NLRC5: variants seen among roughly 807,000 people sequenced by gnomAD.
The protein encoded by NLRC5 is NLR family CARD domain containing 5, also known as protein NLRC5.
A neutral mutation model predicts 206.9 loss-of-function variants in NLRC5; 114 were observed. That is an observed-to-expected ratio of 0.55 (90% CI 0.47 to 0.64). The LOEUF (loss-of-function observed/expected upper bound fraction) is 0.64. Among genes scored for constraint, NLRC5 ranks in the 30% least tolerant of loss-of-function variants. The pLI is 0.00. For synonymous variants in NLRC5, 952 were observed against 962.8 expected (o/e 0.99, Z 0.21); for missense variants, 2,008 against 2,305.5 (o/e 0.87, Z 2.64).
At chr16:57,044,859 G>C (rs1204215363) in intron 20 of NLRC5, among the ~76,000 whole-genome samples, 1 of 151,746 alleles carries the variant, frequency 6.6e-6, no homozygotes, top group African/African-American at 2.4e-5. Context: ...ACAGTGAGTT[G>C]TGATCACACC....
Position 57,082,578 on chromosome 16 carries a change from T to G in NLRC5, c.*50T>G, listed in dbSNP as rs752222973. 78 of 1,387,622 alleles carry G rather than the reference T, an allele frequency of 5.6e-5. No homozygotes were observed. The Admixed American group carries it at 1.4e-3, about 24-fold the overall frequency. The allele number at this position is 1,387,622 out of a possible 1,614,324, so 86.0% of individuals were successfully genotyped here. ...CCAGCCAAGTGATGCACCCAAATGA[T>G]CCACCTTTCGCCCACTGGGATAATT... On this transcript the variant is annotated 3_prime_UTR_variant, in exon 49 of 49. Transcript: ENST00000688547.
intron 24 of NLRC5, 59 bp downstream of exon 24, chr16:57,051,680 C>A: frequency 7.1e-7 from 1 of 1,402,106 alleles, no homozygotes; most frequent in South Asian, 1.2e-5. Context: ...TAAGGCTCCT[C>A]CATGGCAAAG....
rs764956535 is a variant in NLRC5, at chr16:57,067,709, C to T, written c.4407-27C>T. On this transcript the variant is annotated intron_variant, in intron 35 of 48. Coordinates refer to ENST00000688547, the MANE Select transcript of NLRC5 (RefSeq NM_001384950.1). The stretch of plus-strand genomic sequence containing the variant: ...TCTGAGGTGTGTCCAGCCTGAAATC[C>T]TCTAGAATATCCTTGGACCTTTTCA... The T allele has an allele frequency of 5.0e-6, 8 of 1,604,704 alleles. No homozygotes were observed. In the South Asian group the frequency reaches 8.8e-5, roughly 18 times the overall value.
At position 57,073,276 on chromosome 16, in the gene NLRC5, G is replaced by A. The variant is rs374537761; in HGVS notation, c.4668-1324G>A. Reference sequence around the variant, plus strand: ...ACTGGGCATAATATCTTCCCTGTCCGAAGGAAGGGGATGGATCGTCAGTGC... The same window carrying A: ...ACTGGGCATAATATCTTCCCTGTCCAAAGGAAGGGGATGGATCGTCAGTGC... On this transcript the variant is annotated intron_variant, in intron 38 of 48. Transcript: ENST00000688547. 1.2e-4 allele frequency among the ~76,000 whole-genome samples: 18 copies of A among 152,236 alleles called. No homozygotes were observed. In the East Asian group the frequency reaches 2.1e-3, roughly 18 times the overall value.
rs200219463 is a variant in NLRC5 at position 57,030,113 on chromosome 16, T to C, written c.2417+29T>C. The C allele has an allele frequency of 1.3e-5, 20 of 1,576,506 alleles. No individual in the cohort carries two copies. In the East Asian group the frequency reaches 4.0e-4, roughly 32 times the overall value. On this transcript the variant is annotated intron_variant, in intron 10 of 48. Transcript: ENST00000688547. ...AGCAGAAGGAAAGGGATCTTGGCCT[T>C]ATGGGCCTTGAGAAAAGAGGAGGGG...
At chr16:56,998,193 T>C (rs1216280249) in intron 1 of NLRC5, among the ~76,000 whole-genome samples, 7 of 146,132 alleles carry the variant, frequency 4.8e-5, no homozygotes, top group African/African-American at 7.5e-5. Context: ...GTCACTGATG[T>C]CTTTTTTTTT....
intron 32 of NLRC5, 103 bp from the exon 33 acceptor site, chr16:57,065,109 C>T (rs2066942830): frequency 1.6e-6 from 1 of 622,596 alleles, no homozygotes; most frequent in Non-Finnish European, 2.4e-6. Context: ...CTCAAAAAGC[C>T]TCTAGGTCCC....
intron 1 of NLRC5, chr16:56,992,475 T>C (rs1383297693): frequency 6.7e-6 from 1 of 149,994 alleles, no homozygotes; most frequent in Admixed American, 6.6e-5. Flanking sequence ...ATTTATTTTA[T>C]TTTATTTTTT....
intron 30 of NLRC5, among the ~76,000 whole-genome samples, chr16:57,059,923 C>A (rs2066204960): frequency 6.6e-6 from 1 of 152,076 alleles, no homozygotes; most frequent in Non-Finnish European, 1.5e-5. Context: ...AATAACACAA[C>A]CTACCCCTTA....
At position 57,043,621 on chromosome 16, in the gene NLRC5, GC is replaced by G; in HGVS notation, c.3203+22del. On this transcript the variant is annotated intron_variant, in intron 20 of 48. Transcript: ENST00000688547. ...GGACATCAGGTGAGCGTGCCTCTCC[GC>G]CCCCAGCCCTGCCCCTGTCCCCCAT... 6.3e-7 allele frequency: 1 copy of G among 1,599,990 alleles called. No individual in the cohort carries two copies. The highest frequency in any genetic ancestry group is 8.6e-7 in the Non-Finnish European group (1 of 1,167,362).
intron 1 of NLRC5, among the ~76,000 whole-genome samples, chr16:57,010,648 C>T (rs1314134780): frequency 6.6e-6 from 1 of 152,220 alleles, no homozygotes; most frequent in Non-Finnish European, 1.5e-5. Context: ...GTTGGGATTA[C>T]AGGCGTGAGC....
chr16:57,078,612 C>T (rs1380901346), intron 43 of NLRC5, among the ~76,000 whole-genome samples: 7 of 151,762 alleles, frequency 4.6e-5, no homozygotes, highest in South Asian at 2.1e-4. Flanking sequence ...GCTGGGATTA[C>T]GAGCATGCCC....
intron 33 of NLRC5, 93 bp from the exon 34 acceptor site, chr16:57,066,441 A>G (rs1001173109): frequency 9.5e-7 from 1 of 1,051,626 alleles, no homozygotes; most frequent in African/African-American, 1.6e-5. Context: ...AGGCAAAGTG[A>G]GAGTTCAGAG....
Position 57,017,076 on chromosome 16 carries a change from G to T in NLRC5, c.-125G>T, listed in dbSNP as rs1353697207. 1.3e-5 allele frequency: 2 copies of T among 152,872 alleles called. No individual in the cohort carries two copies. Among genetic ancestry groups the T allele is most frequent in the East Asian group, 3.9e-4 (2 of 5,186 alleles). 9.5% of individuals were successfully genotyped at this position (152,872 alleles called of 1,614,324 possible). On this transcript the variant is annotated splice_region_variant and 5_prime_UTR_variant, in exon 2 of 49. Transcript: ENST00000688547. ...CTCCCTGTCTTCTCTCCCCTTAGGA[G>T]TCTGCACTATGGAAACAACCTGTCA... is the stretch of plus-strand genomic sequence containing the variant.
rs2066504019 is a variant in NLRC5 at position 57,061,670 on chromosome 16, G to C, written c.4123G>C (p.Val1375Leu). The change falls in exon 32 of 49, where the codon GTG (valine) becomes CTG (leucine). Residue 1375 changes from valine (V) to leucine (L), a missense_variant. Coordinates refer to ENST00000688547, the MANE Select transcript of NLRC5 (RefSeq NM_001384950.1). The stretch of plus-strand genomic sequence containing the variant: ...GCAGCTGGCCATCCTCCTGAGCTTG[G>C]TGGGGCGACCCGCAGGGCTGTTCAG... ...QKQLAILLSL[V>L]GRPAGLFSLR... 1 of 1,609,382 alleles carries C rather than the reference G, an allele frequency of 6.2e-7. No homozygotes were observed. Among genetic ancestry groups the C allele is most frequent in the Admixed American group, 1.7e-5 (1 of 59,914 alleles).
At chr16:57,018,569 A>G (rs1736347405) in intron 2 of NLRC5, among the ~76,000 whole-genome samples, 1 of 152,148 alleles carries the variant, frequency 6.6e-6, no homozygotes, top group Admixed American at 6.5e-5. Context: ...ACATCCAAGT[A>G]TGTCTCTACT....
chr16:57,021,750 C>G (rs1294836420), intron 3 of NLRC5, among the ~76,000 whole-genome samples: 1 of 152,164 alleles, frequency 6.6e-6, no homozygotes, highest in Non-Finnish European at 1.5e-5. Context: ...CTCTACTGAT[C>G]CGTGGGGATT....
chr16:57,032,682 C>T (rs9937834), intron 11 of NLRC5, among the ~76,000 whole-genome samples: 15,489 of 151,836 alleles, frequency 0.1, 904 homozygotes, highest in African/African-American at 0.13. Flanking sequence ...GATGCCAGGA[C>T]ATTTCCATCA....
rs61744164 is a variant in NLRC5, at chr16:57,026,438, G to A, written c.1495G>A (p.Val499Ile). Residue 499 changes from valine to isoleucine, a missense_variant, in exon 6 of 49, where the codon GTC becomes ATC. Transcript: ENST00000688547. ...TCACAGCCTGCTGACTTCCTTCTGC[G>A]TCTGCACAGGCCCTGGGCACCAGCA... ...ATHSLLTSFC[V>I]CTGPGHQQTG... The A allele has an allele frequency of 1.7e-4, 275 of 1,614,108 alleles. No homozygotes were observed. Among genetic ancestry groups the A allele is most frequent in the Admixed American group, 4.3e-4 (26 of 60,028 alleles).
Sources: gnomAD v4.1 joint callset for allele counts (sites outside exome capture counted in the v4.1 genomes callset) on GRCh38, gnomAD v4.1.1 for gene constraint, MANE v1.5 for transcripts, NCBI Gene and HGNC (gene_info 2026-07-23, HGNC 2026-07-21) for gene names.